Variants in CAMK2B observed in about 807,000 individuals in gnomAD.
CAMK2B encodes the protein calcium/calmodulin dependent protein kinase II beta.
A neutral mutation model predicts 93.7 loss-of-function variants in CAMK2B; 27 were observed. The observed-to-expected ratio is 0.29, with a 90% CI of 0.21 to 0.40. The LOEUF is 0.40. Among genes scored for constraint, CAMK2B ranks in the 10% least tolerant of loss-of-function variants. CAMK2B has a pLI of 1.00. For synonymous variants in CAMK2B, 374 were observed against 358.8 expected, an observed-to-expected ratio of 1.04 and a Z score of -0.48; for missense variants, 568 against 895.8, an observed-to-expected ratio of 0.63 and a Z score of 4.67.
chr7:44,278,629 T>C (rs1584523282), intron 2 of CAMK2B, among the ~76,000 whole-genome samples: 1 of 152,108 alleles, frequency 6.6e-6, no homozygotes, highest in Admixed American at 6.5e-5. Flanking sequence ...GGGTGGTGAG[T>C]GCAGGATTCT....
At chr7:44,277,595 C>T (rs1012223895) in intron 2 of CAMK2B, among the ~76,000 whole-genome samples, 5 of 152,198 alleles carry the variant, frequency 3.3e-5, no homozygotes, top group Non-Finnish European at 1.5e-5. Flanking sequence ...TAGTGACTCT[C>T]AAGGAGTGAG....
intron 13 of CAMK2B, among the ~76,000 whole-genome samples, chr7:44,236,384 A>G (rs1327357287): frequency 6.6e-6 from 1 of 151,972 alleles, no homozygotes; most frequent in Non-Finnish European, 1.5e-5. Flanking sequence ...AACTCTCAAC[A>G]ATTTTGTATC....
chr7:44,231,176 G>C, intron 16 of CAMK2B, 122 bp from the exon 17 acceptor site: 1 of 767,460 alleles, frequency 1.3e-6, no homozygotes, highest in African/African-American at 1.8e-5. Flanking sequence ...GCTGATCTCT[G>C]CCTCGGCTGC....
intron 17 of CAMK2B, 25 bp downstream of exon 17, chr7:44,230,981 G>A (rs1488888685): frequency 6.4e-7 from 1 of 1,550,710 alleles, no homozygotes; most frequent in Non-Finnish European, 8.7e-7. Flanking sequence ...GGCCGCTGGG[G>A]GGGCAAGGAC....
chr7:44,220,252 T>C lies in CAMK2B; in HGVS notation c.1811A>G (p.Asn604Ser). The C allele has an allele frequency of 6.2e-7, 1 of 1,613,178 alleles. No individual in the cohort carries two copies. The highest frequency in any genetic ancestry group is 1.1e-5 in the South Asian group (1 of 91,070). Reference protein sequence around the residue: ...NSKPIHTTILNPHVHVIGEDA... With the variant: ...NSKPIHTTILSPHVHVIGEDA... ...CTCTCCAATGACGTGCACGTGTGGGTTCAGGATGGTCGTGTGGATCGGCTT... is the reference window on the plus strand; with the variant it reads ...CTCTCCAATGACGTGCACGTGTGGGCTCAGGATGGTCGTGTGGATCGGCTT... Residue 604 changes from asparagine to serine, a missense_variant, in exon 23 of 24, where the codon AAC becomes AGC. Physicochemically the swap from Asn to Ser is conservative, Grantham distance 46 (BLOSUM62 1). Coordinates refer to ENST00000395749, the MANE Select transcript of CAMK2B (RefSeq NM_001220.5).
intron 5 of CAMK2B, among the ~76,000 whole-genome samples, chr7:44,249,003 T>C (rs978276664): frequency 6.6e-6 from 1 of 152,160 alleles, no homozygotes; most frequent in Admixed American, 6.5e-5. Flanking sequence ...TGCCCATTTG[T>C]TGAAACATCC....
chr7:44,281,339 C>T (rs1032769653), intron 2 of CAMK2B, among the ~76,000 whole-genome samples: 3 of 152,198 alleles, frequency 2.0e-5, no homozygotes, highest in African/African-American at 7.2e-5. Context: ...TGAGCTGCTC[C>T]CTGGGGCCAG....
At chr7:44,303,284 G>A (rs922649622) in intron 1 of CAMK2B, among the ~76,000 whole-genome samples, 1 of 152,128 alleles carries the variant, frequency 6.6e-6, no homozygotes, top group Non-Finnish European at 1.5e-5. Context: ...GGCATCCCAT[G>A]TTCATTAATA....
chr7:44,242,168 C>T, intron 10 of CAMK2B, 50 bp downstream of exon 10: 4 of 1,585,280 alleles, frequency 2.5e-6, no homozygotes, highest in Non-Finnish European at 3.4e-6. Flanking sequence ...GGTCTGAGGC[C>T]ATCTCCACCA....
chr7:44,247,704 G>A (rs1420970972), intron 5 of CAMK2B, among the ~76,000 whole-genome samples: 1 of 152,210 alleles, frequency 6.6e-6, no homozygotes, highest in Non-Finnish European at 1.5e-5. Context: ...GAAATAATGT[G>A]CTCGGGCACA....
In CAMK2B at chr7:44,225,540, G is replaced by A. The variant is rs899230463; in HGVS notation, c.1597+976C>T. Among the ~76,000 whole-genome samples the A allele has an allele frequency of 6.6e-6, 1 of 152,118 alleles. No homozygotes were observed. Among genetic ancestry groups the A allele is most frequent in the Non-Finnish European group, 1.5e-5 (1 of 67,994 alleles). ...GTCCTCAGCCGACCACAGAAGCTCT[G>A]GGGGTGAGTACCCCTCCAGGGGCTG... On this transcript the variant is annotated intron_variant, in intron 20 of 23. Transcript: ENST00000395749. This position sits in a 1 kb window ranked among gnomAD's most constrained non-coding sequence, Gnocchi z 5.0.
At chr7:44,316,293 A>T (rs766709641) in intron 1 of CAMK2B, among the ~76,000 whole-genome samples, 32 of 151,972 alleles carry the variant, frequency 2.1e-4, no homozygotes, top group Non-Finnish European at 4.1e-4. Flanking sequence ...ATATAGTTTC[A>T]ATGTTTGTTC....
At position 44,217,366 on chromosome 7, in the gene CAMK2B, T is replaced by C. The variant is rs927117444; in HGVS notation, c.*2159A>G. 2.3e-4 allele frequency: 35 copies of C among 152,204 alleles called. No homozygotes were observed. Among genetic ancestry groups the C allele is most frequent in the African/African-American group, 8.5e-4 (35 of 41,376 alleles). 9.4% of individuals were successfully genotyped at this position (152,204 alleles called of 1,614,324 possible). On this transcript the variant is annotated 3_prime_UTR_variant, in exon 24 of 24. Transcript: ENST00000395749. The stretch of plus-strand genomic sequence containing the variant: ...CGCGGACACCTAGCTAGCAGACCGG[T>C]GTGGCTTGCTCTTTAGGGGTCATGC...
chr7:44,248,925 C>G lies in CAMK2B; in HGVS notation c.342-1733G>C, dbSNP rs1391958472. 2.6e-5 allele frequency among the ~76,000 whole-genome samples: 4 copies of G among 152,150 alleles called. No homozygotes were observed. Among genetic ancestry groups the G allele is most frequent in the Admixed American group, 2.0e-4 (3 of 15,280 alleles). ...GTCACCAAGAGTGGGAGCCACAATC[C>G]TATCTCCTTGCTCCATATGCCCTGG... On this transcript the variant is annotated intron_variant, in intron 5 of 23. Transcript: ENST00000395749. This position sits in a 1 kb window ranked among gnomAD's most constrained non-coding sequence, Gnocchi z 4.1.
At chr7:44,246,389 C>A (rs1365856397) in intron 6 of CAMK2B, among the ~76,000 whole-genome samples, 1 of 152,152 alleles carries the variant, frequency 6.6e-6, no homozygotes, top group Non-Finnish European at 1.5e-5. Flanking sequence ...TGTGCAGACA[C>A]CCCTCCAACA....
intron 15 of CAMK2B, among the ~76,000 whole-genome samples, 184 bp from the exon 16 acceptor site, chr7:44,233,050 C>T (rs118039941): frequency 6.6e-6 from 1 of 151,920 alleles, no homozygotes; most frequent in African/African-American, 2.4e-5. Flanking sequence ...GGGGGAGGAG[C>T]CTGGGTCAGC....
chr7:44,242,103 A>G lies in CAMK2B; in HGVS notation c.819+115T>C, dbSNP rs35663812. 0.4 allele frequency: 511,764 copies of G among 1,287,448 alleles called. 104,758 individuals carry two copies. Among genetic ancestry groups the G allele is most frequent in the Middle Eastern group, 0.48 (2,283 of 4,750 alleles). The allele number at this position is 1,287,448 out of a possible 1,614,324, so 79.8% of individuals were successfully genotyped here. Reference sequence around the variant, plus strand: ...CCACAAGGAGCACCCAGGGGACCCAAGGGAGCTCTTGGATGTCAGGAACAG... The same window carrying G: ...CCACAAGGAGCACCCAGGGGACCCAGGGGAGCTCTTGGATGTCAGGAACAG... On this transcript the variant is annotated intron_variant, in intron 10 of 23. Coordinates refer to ENST00000395749, the MANE Select transcript of CAMK2B (RefSeq NM_001220.5).
chr7:44,238,230 AC>A (rs1441628997), intron 13 of CAMK2B, among the ~76,000 whole-genome samples: 1 of 151,916 alleles, frequency 6.6e-6, no homozygotes, highest in Admixed American at 6.6e-5. Context: ...TGCACTGACC[AC>A]CCTCCAGGAC....
At chr7:44,254,512 G>A (rs1211159332) in intron 5 of CAMK2B, 30 bp downstream of exon 5, 22 of 1,545,004 alleles carry the variant, frequency 1.4e-5, no homozygotes, top group Non-Finnish European at 1.9e-5. Flanking sequence ...AAGGAAGAGG[G>A]ACAGGACAGC....
Sources: gnomAD v4.1 joint callset for allele counts (sites outside exome capture counted in the v4.1 genomes callset) on GRCh38, gnomAD v4.1.1 for gene constraint, Gnocchi (gnomAD v3.1) non-coding constraint, MANE v1.5 for transcripts, NCBI Gene and HGNC (gene_info 2026-07-23, HGNC 2026-07-21) for gene names.